The following TRIQK variants were observed in gnomAD, a reference collection of about 807,000 sequenced individuals.
TRIQK encodes the protein triple QxxK/R motif containing.
A neutral mutation model predicts 10.8 loss-of-function variants in TRIQK; 10 were observed. That is an observed-to-expected ratio of 0.92 (90% confidence interval 0.57 to 1.57). The LOEUF is 1.57. Ranked by LOEUF, TRIQK falls within the 40% of genes most tolerant of loss-of-function variation. The pLI, the probability that TRIQK is intolerant of heterozygous loss-of-function variation, is 0.00. For synonymous variants in TRIQK, 33 were observed against 33.7 expected, an observed-to-expected ratio of 0.98 and a Z score of 0.07; for missense variants, 107 against 97.7, an observed-to-expected ratio of 1.09 and a Z score of -0.40.
intron 1 of TRIQK, among the ~76,000 whole-genome samples, chr8:92,993,890 C>T (rs1203678065): frequency 2.6e-5 from 4 of 152,004 alleles, no homozygotes; most frequent in Non-Finnish European, 5.9e-5. Context: ...TTTCCTTATT[C>T]GAGTAAGAGA....
chr8:92,969,753 A>G (rs1039743747), upstream of TRIQK, among the ~76,000 whole-genome samples: 22 of 150,842 alleles, frequency 1.5e-4, no homozygotes, highest in African/African-American at 4.7e-4. Flanking sequence ...ATGCTTGTGC[A>G]TTTGTTTATA....
intron 1 of TRIQK, chr8:92,972,433 A>G (rs1469859445): frequency 6.6e-6 from 1 of 151,558 alleles, no homozygotes; most frequent in Non-Finnish European, 1.5e-5. Flanking sequence ...TTGTTATTTT[A>G]TTTGTGGTTA....
At chr8:92,893,175 A>G (rs919839850) in intron 3 of TRIQK, among the ~76,000 whole-genome samples, 2 of 152,038 alleles carry the variant, frequency 1.3e-5, no homozygotes, top group Non-Finnish European at 2.9e-5. Context: ...AAACTCAAGT[A>G]TATCATAAAA....
chr8:92,973,311 T>G (rs566387498), intron 1 of TRIQK: 2 of 152,296 alleles, frequency 1.3e-5, no homozygotes, highest in Admixed American at 1.3e-4. Flanking sequence ...ATATTTTTGT[T>G]TAGAACTGCA....
At chr8:92,977,885 G>A (rs1384633095) in intron 1 of TRIQK, among the ~76,000 whole-genome samples, 2 of 152,062 alleles carry the variant, frequency 1.3e-5, no homozygotes, top group Non-Finnish European at 2.9e-5. Flanking sequence ...TTTAGTCTCT[G>A]AATTTTGTCT....
chr8:92,928,094 G>A (rs1245228814), intron 2 of TRIQK: 1 of 152,116 alleles, frequency 6.6e-6, no homozygotes, highest in Non-Finnish European at 1.5e-5. Context: ...GATAGAGAGG[G>A]AAGGAAATAG....
At chr8:92,896,751 C>T (rs1054132874) in intron 3 of TRIQK, among the ~76,000 whole-genome samples, 2 of 151,562 alleles carry the variant, frequency 1.3e-5, no homozygotes, top group Non-Finnish European at 2.9e-5. Context: ...TTTTTCTTGC[C>T]TAATTCTCCC....
intron 3 of TRIQK, among the ~76,000 whole-genome samples, chr8:92,905,234 A>C (rs1394764104): frequency 2.0e-5 from 3 of 152,228 alleles, no homozygotes; most frequent in African/African-American, 7.2e-5. Flanking sequence ...AAATAATGGA[A>C]AGCCATAAAG....
intron 3 of TRIQK, among the ~76,000 whole-genome samples, chr8:92,903,716 T>C (rs1042527461): frequency 1.3e-5 from 2 of 152,136 alleles, no homozygotes; most frequent in Non-Finnish European, 2.9e-5. Flanking sequence ...TATTTAACTA[T>C]TTATTTGTAT....
rs757744794 is a variant in TRIQK at position 92,916,955 on chromosome 8, G to A, written c.35C>T (p.Pro12Leu). The change falls in exon 3 of 5, where the codon CCT (proline) becomes CTT (leucine). Residue 12 changes from proline (P) to leucine (L), a missense_variant. Pro to Leu is a moderately conservative substitution (Grantham distance 98). Transcript: ENST00000521988. ...GRKDAATIKL[P>L]VDQYRKQIGK... is the part of the protein sequence containing the mutation. Reference sequence around the variant, plus strand: ...AATTTGTTTTCTGTACTGATCAACAGGAAGTTTTATAGTAGCAGCATCTTT... The same window carrying A: ...AATTTGTTTTCTGTACTGATCAACAAGAAGTTTTATAGTAGCAGCATCTTT... The A allele has an allele frequency of 6.6e-7, 1 of 1,504,476 alleles. No homozygotes were observed. The highest frequency in any genetic ancestry group is 1.3e-5 in the South Asian group (1 of 77,728). The allele number at this position is 1,504,476 out of a possible 1,614,324, so 93.2% of individuals were successfully genotyped here.
chr8:92,924,725 A>C (rs1031388072), intron 2 of TRIQK, among the ~76,000 whole-genome samples: 2 of 151,840 alleles, frequency 1.3e-5, no homozygotes, highest in Non-Finnish European at 2.9e-5. Flanking sequence ...ATTATAAGTA[A>C]TATTAATTAT....
At chr8:93,003,335 A>AGAGAGAGAGAGAGC (rs1271046160) in intron 1 of TRIQK, among the ~76,000 whole-genome samples, 2 of 151,526 alleles carry the variant, frequency 1.3e-5, no homozygotes, top group African/African-American at 4.9e-5. Context: ...AGAGAGAGAG[A>AGAGAGAGAGAGAGC]GAGAGCACAA....
intron 1 of TRIQK, among the ~76,000 whole-genome samples, chr8:93,015,601 G>C (rs1206622620): frequency 1.3e-5 from 2 of 151,862 alleles, no homozygotes; most frequent in African/African-American, 2.4e-5. Context: ...TGTTCAGGAT[G>C]CTATCTTTCT....
At chr8:92,991,690 A>T (rs980405572) in intron 1 of TRIQK, among the ~76,000 whole-genome samples, 38 of 152,172 alleles carry the variant, frequency 2.5e-4, no homozygotes, top group African/African-American at 8.2e-4. Context: ...AGCGTATTCA[A>T]ATGGGAAGAG....
intron 1 of TRIQK, among the ~76,000 whole-genome samples, chr8:93,011,405 C>G (rs1009676017): frequency 1.3e-5 from 2 of 151,980 alleles, no homozygotes; most frequent in Non-Finnish European, 2.9e-5. Flanking sequence ...TTAAAACTCA[C>G]AAGTAGAAAA....
chr8:92,895,519 G>A (rs1283127975), intron 3 of TRIQK, among the ~76,000 whole-genome samples: 1 of 152,154 alleles, frequency 6.6e-6, no homozygotes, highest in African/African-American at 2.4e-5. Flanking sequence ...ATGGTGAGAT[G>A]TAAGGAAAGT....
intron 3 of TRIQK, among the ~76,000 whole-genome samples, chr8:92,909,106 C>T (rs979804325): frequency 6.6e-6 from 1 of 151,788 alleles, no homozygotes; most frequent in Admixed American, 6.6e-5. Flanking sequence ...CATTACAAAA[C>T]TAGGGGTCAA....
rs1813005773 is a variant in TRIQK, at chr8:92,983,576, A to AT, written c.-180-29013dup. On this transcript the variant is annotated intron_variant, in intron 1 of 4. Coordinates refer to the TRIQK transcript ENST00000520686. ...TAAGAATAAAGAATCACATGGGTGT[A>AT]TTTTTAGGGACCATACAAACAAAAA... 2.0e-5 allele frequency among the ~76,000 whole-genome samples: 3 copies of AT among 152,058 alleles called. No individual in the cohort carries two copies. The South Asian group carries it at 6.2e-4, about 31-fold the overall frequency.
At chr8:92,931,747 G>T (rs1457111812) in intron 2 of TRIQK, among the ~76,000 whole-genome samples, 1 of 151,964 alleles carries the variant, frequency 6.6e-6, no homozygotes, top group African/African-American at 2.4e-5. Flanking sequence ...GTCAAAGAGG[G>T]CCCCATTCAT....
Sources: gnomAD v4.1 joint callset for allele counts (sites outside exome capture counted in the v4.1 genomes callset) on GRCh38, gnomAD v4.1.1 for gene constraint, MANE v1.5 for transcripts, NCBI Gene and HGNC (gene_info 2026-07-23, HGNC 2026-07-21) for gene names.